NEBL: variants seen among roughly 807,000 people sequenced by gnomAD.
NEBL encodes the protein LIM and SH3 protein 2.
Under a neutral mutation model 140.2 loss-of-function variants are expected in NEBL, and 122 were observed. The ratio of observed to expected loss-of-function variants is 0.87; its 90% CI spans 0.75 to 1.01. NEBL has a LOEUF of 1.01. Among genes scored for constraint, NEBL ranks in the 50% least tolerant of loss-of-function variants. The pLI is 0.00. For missense variants in NEBL, 1,365 were observed against 1,231.3 expected, an observed-to-expected ratio of 1.11 and a Z score of -1.62; for synonymous variants, 436 against 398.9, an observed-to-expected ratio of 1.09 and a Z score of -1.11.
intron 4 of NEBL, among the ~76,000 whole-genome samples, chr10:20,938,409 A>C (rs1834635149): frequency 6.6e-6 from 1 of 152,234 alleles, no homozygotes; most frequent in African/African-American, 2.4e-5. Flanking sequence ...TAACAAACAG[A>C]AAGGACATCC....
chr10:21,290,271 T>C (rs565834437), intron 1 of NEBL, among the ~76,000 whole-genome samples: 2 of 152,188 alleles, frequency 1.3e-5, no homozygotes, highest in African/African-American at 4.8e-5. Flanking sequence ...CATCTCAATG[T>C]TGGGGCTCAG....
chr10:20,994,287 T>C (rs775952107), intron 3 of NEBL, among the ~76,000 whole-genome samples: 2 of 152,176 alleles, frequency 1.3e-5, no homozygotes, highest in Non-Finnish European at 2.9e-5. Flanking sequence ...CAAAATGTAT[T>C]TGAACTTGAA....
At chr10:21,177,019 G>A (rs1417318355), upstream of NEBL, among the ~76,000 whole-genome samples, 3 of 152,208 alleles carry the variant, frequency 2.0e-5, no homozygotes, top group Non-Finnish European at 4.4e-5. Context: ...ATACCAGTTT[G>A]GATGCAGAGT....
chr10:21,266,524 G>A (rs1842798643), intron 1 of NEBL, among the ~76,000 whole-genome samples: 1 of 152,186 alleles, frequency 6.6e-6, no homozygotes, highest in African/African-American at 2.4e-5. Context: ...TGCTGCTCAA[G>A]GCAGGCCCCA....
intron 3 of NEBL, among the ~76,000 whole-genome samples, chr10:20,994,178 C>T (rs1837575706): frequency 6.6e-6 from 1 of 152,228 alleles, no homozygotes; most frequent in Non-Finnish European, 1.5e-5. Context: ...CTTTGAATTA[C>T]GCTGACCTGA....
At chr10:21,082,847 C>T (rs1836449418) in intron 2 of NEBL, among the ~76,000 whole-genome samples, 1 of 145,842 alleles carries the variant, frequency 6.9e-6, no homozygotes, top group African/African-American at 2.5e-5. Flanking sequence ...ACTGCAACCT[C>T]CAGCTCTCAG....
In NEBL at chr10:20,781,896, T is replaced by C. The variant is rs1394594154; in HGVS notation, c.*3851A>G. 2.6e-5 allele frequency: 4 copies of C among 152,582 alleles called. No homozygotes were observed. Among genetic ancestry groups the C allele is most frequent in the African/African-American group, 7.2e-5 (3 of 41,428 alleles). 9.5% of individuals were successfully genotyped at this position (152,582 alleles called of 1,614,324 possible). ...CACCTTAACCAAAACAACCACAATC[T>C]AGCCACTTTTAGATTATCAGAAGCA... On this transcript the variant is annotated 3_prime_UTR_variant, in exon 28 of 28. Transcript: ENST00000377122.
chr10:20,990,181 A>T (rs543186872), intron 3 of NEBL, among the ~76,000 whole-genome samples: 1 of 152,234 alleles, frequency 6.6e-6, no homozygotes, highest in African/African-American at 2.4e-5. Flanking sequence ...TAATGGAATT[A>T]AAAACATTTT....
At chr10:20,788,475 T>C (rs769027727) in intron 26 of NEBL, among the ~76,000 whole-genome samples, 17 of 152,124 alleles carry the variant, frequency 1.1e-4, no homozygotes, top group Non-Finnish European at 1.5e-4. Flanking sequence ...AGTGAGAACA[T>C]CAATACTTTA....
chr10:20,796,379 A>C (rs1836536105), intron 26 of NEBL, among the ~76,000 whole-genome samples: 2 of 150,914 alleles, frequency 1.3e-5, no homozygotes, highest in East Asian at 1.9e-4. Context: ...AAAAAAAAAA[A>C]AAAAAAAAAA....
intron 26 of NEBL, among the ~76,000 whole-genome samples, chr10:20,796,527 G>T (rs1051388947): frequency 6.6e-6 from 1 of 151,894 alleles, no homozygotes; most frequent in Non-Finnish European, 1.5e-5. Context: ...AGTACATTTT[G>T]ATTTTGAAGC....
chr10:20,819,390 T>C, intron 20 of NEBL, 34 bp downstream of exon 20: 1 of 1,613,706 alleles, frequency 6.2e-7, no homozygotes. Flanking sequence ...ATGTTATGTT[T>C]GAGAAAATAT....
At chr10:21,068,145 T>C (rs765497609) in intron 2 of NEBL, among the ~76,000 whole-genome samples, 1 of 152,214 alleles carries the variant, frequency 6.6e-6, no homozygotes, top group Non-Finnish European at 1.5e-5. Flanking sequence ...ACACTTTACA[T>C]TTTTTCCTTC....
chr10:21,059,581 A>T (rs1052197935), intron 2 of NEBL, among the ~76,000 whole-genome samples: 6 of 152,256 alleles, frequency 3.9e-5, no homozygotes, highest in Admixed American at 2.0e-4. Flanking sequence ...AAATATTCTC[A>T]AATTAATTTT....
chr10:21,036,059 G>A (rs970420589), intron 2 of NEBL, among the ~76,000 whole-genome samples: 5 of 151,928 alleles, frequency 3.3e-5, no homozygotes, highest in African/African-American at 1.2e-4. Context: ...GCTACTCAGG[G>A]AGCCGAGGCA....
chr10:21,146,545 G>A, intron 2 of NEBL: 1 of 1,542,016 alleles, frequency 6.5e-7, no homozygotes, highest in Non-Finnish European at 8.9e-7. Context: ...TGAAAATGGT[G>A]CTGTGTTTGG....
intron 1 of NEBL, among the ~76,000 whole-genome samples, chr10:21,279,361 G>C (rs1842963765): frequency 6.9e-6 from 1 of 144,072 alleles, no homozygotes; most frequent in African/African-American, 2.6e-5. Flanking sequence ...GCAGTGGCAT[G>C]AGTAGCTCAC....
rs35627113 is a variant in NEBL at position 20,992,765 on chromosome 10, C to CTTTTTT, written c.249+27346_249+27351dup. Among the ~76,000 whole-genome samples, 135 of 52,478 alleles carry CTTTTTT rather than the reference C, an allele frequency of 2.6e-3. 22 individuals are homozygous for CTTTTTT. The highest frequency in any genetic ancestry group is 9.7e-3 in the African/African-American group (115 of 11,826). The allele number at this position is 52,478 out of a possible 152,430, so 34.4% of individuals were successfully genotyped here. On this transcript the variant is annotated intron_variant, in intron 3 of 6. Transcript: ENST00000417816. The stretch of plus-strand genomic sequence containing the variant: ...AATCAGTCATTTGCAACTACAAAGT[C>CTTTTTT]TTTTTTTTTTTTTTTTTTTTTTTTT...
chr10:21,170,435 A>G (rs1284083669), intron 2 of NEBL: 3 of 152,222 alleles, frequency 2.0e-5, no homozygotes, highest in Non-Finnish European at 4.4e-5. Context: ...TCCTTTAACC[A>G]AAGAACAATT....
Sources: allele counts gnomAD v4.1 joint callset (sites outside exome capture counted in the v4.1 genomes callset), GRCh38; gene constraint gnomAD v4.1.1; transcripts MANE v1.5; gene names NCBI Gene and HGNC (gene_info 2026-07-23, HGNC 2026-07-21).